ZDHHC15: variants seen among roughly 807,000 people sequenced by gnomAD.
ZDHHC15 encodes the protein palmitoyltransferase ZDHHC15.
A neutral mutation model predicts 31.7 loss-of-function variants in ZDHHC15; 19 were observed. The ratio of observed to expected loss-of-function variants is 0.60; its 90% CI spans 0.42 to 0.88. The LOEUF is 0.88. Among genes scored for constraint, ZDHHC15 ranks in the 40% least tolerant of loss-of-function variants. ZDHHC15 has a pLI of 0.00. For synonymous variants in ZDHHC15, 103 were observed against 90.0 expected (o/e 1.14, Z -0.82); for missense variants, 209 against 251.2 (o/e 0.83, Z 1.14).
chrX:75,415,209 T>G lies in ZDHHC15; in HGVS notation c.967+1878A>C, dbSNP rs189397362. 4.6e-3 allele frequency among the ~76,000 whole-genome samples: 518 copies of G among 112,143 alleles called. 4 individuals carry two copies. Among genetic ancestry groups the G allele is most frequent in the African/African-American group, 0.016 (490 of 30,874 alleles). ...CAGCACCTTTCCTAGGAATCTAAGT[T>G]GTTAAAAATGTAAGAACTGTTTGTC... On this transcript the variant is annotated intron_variant, in intron 10 of 11. Coordinates refer to ENST00000373367, the MANE Select transcript of ZDHHC15 (RefSeq NM_144969.3).
chrX:75,423,439 A>T (rs1260250717), intron 8 of ZDHHC15, among the ~76,000 whole-genome samples: 2 of 106,836 alleles, frequency 1.9e-5, no homozygotes, highest in African/African-American at 6.9e-5. Flanking sequence ...AAGTGAGAAC[A>T]TGAAGTATTT....
intron 4 of ZDHHC15, among the ~76,000 whole-genome samples, chrX:75,444,438 A>T (rs1351092714): frequency 1.3e-5 from 1 of 79,714 alleles, no homozygotes; most frequent in Admixed American, 1.5e-4. Context: ...TGGACACAGG[A>T]AGGGGAACAT....
intron 2 of ZDHHC15, among the ~76,000 whole-genome samples, chrX:75,495,442 C>A (rs1402790130): frequency 6.3e-5 from 7 of 110,949 alleles, no homozygotes; most frequent in Non-Finnish European, 1.3e-4. Context: ...TATATACCCA[C>A]AGGATTATAA....
At chrX:75,447,053 G>T (rs778052955) in intron 4 of ZDHHC15, among the ~76,000 whole-genome samples, 1 of 111,848 alleles carries the variant, frequency 8.9e-6, no homozygotes, top group Non-Finnish European at 1.9e-5. Context: ...GAACAAAGTG[G>T]CCATGGTGGC....
intron 8 of ZDHHC15, among the ~76,000 whole-genome samples, chrX:75,422,680 A>G (rs1434644775): frequency 9.0e-6 from 1 of 111,559 alleles, no homozygotes; most frequent in Non-Finnish European, 1.9e-5. Flanking sequence ...CTCTGTTATC[A>G]TGAAGCTTTT....
At position 75,417,120 on chromosome X, in the gene ZDHHC15, C is replaced by A; in HGVS notation, c.934G>T (p.Glu312Ter). 8.3e-7 allele frequency: 1 copy of A among 1,209,771 alleles called. No homozygotes were observed. The highest frequency in any genetic ancestry group is 1.1e-6 in the Non-Finnish European group (1 of 894,210). The change falls in exon 10 of 12, where the codon GAA (glutamate) becomes TAA (stop). Residue 312 changes from glutamate to a stop codon, truncating the protein, a stop_gained. Transcript: ENST00000373367. LOFTEE classifies it high-confidence loss of function. The stretch of plus-strand genomic sequence containing the variant: ...TCATCCTCGTTGTCTTCCCAGGTTT[C>A]TTCATTTGCTAGCAGTGGGTTCTGT... ...ESQNPLLANEETWEDNEDDNQ... is the reference protein window; with the variant it reads ...ESQNPLLANE
At chrX:75,498,394 T>TAAAGACTCA (rs2148032463) in intron 2 of ZDHHC15, among the ~76,000 whole-genome samples, 1 of 111,628 alleles carries the variant, frequency 9.0e-6, no homozygotes, top group East Asian at 2.8e-4. Flanking sequence ...TAGAAAACCC[T>TAAAGACTCA]AAAGACTCAT....
At chrX:75,480,595 G>C (rs992327132) in intron 2 of ZDHHC15, among the ~76,000 whole-genome samples, 1 of 111,123 alleles carries the variant, frequency 9.0e-6, no homozygotes, top group East Asian at 2.8e-4. Context: ...CCATGACTTT[G>C]TTGTGTATCC....
rs758757390 is a variant in ZDHHC15 at position 75,456,103 on chromosome X, C to G, written c.259-5181G>C. Among the ~76,000 whole-genome samples the G allele has an allele frequency of 6.3e-5, 7 of 111,592 alleles. No homozygotes were observed. In the South Asian group the frequency reaches 2.6e-3, roughly 42 times the overall value. ...CAATAGCAAAGACTTGGAACCAACCCAAATGTCCATCAATGATAGACTGGA... is the reference window on the plus strand; with the variant it reads ...CAATAGCAAAGACTTGGAACCAACCGAAATGTCCATCAATGATAGACTGGA... On this transcript the variant is annotated intron_variant, in intron 3 of 11. Transcript: ENST00000373367.
intron 4 of ZDHHC15, among the ~76,000 whole-genome samples, chrX:75,437,151 G>A (rs2083864847): frequency 9.0e-6 from 1 of 111,467 alleles, no homozygotes; most frequent in Admixed American, 9.5e-5. Flanking sequence ...AAAGTGCTGG[G>A]ATTACAGGCC....
In ZDHHC15 at chrX:75,369,315, ATGTG is replaced by A. The variant is rs58983071; in HGVS notation, c.*3659_*3662del. Reference sequence around the variant, plus strand: ...GCAGCCTGCTTTGGAGAAAATGTGTATGTGTGTGTGTGTGTGTGTGTGTGTGTGT... The same window carrying A: ...GCAGCCTGCTTTGGAGAAAATGTGTATGTGTGTGTGTGTGTGTGTGTGTGT... On this transcript the variant is annotated 3_prime_UTR_variant, in exon 12 of 12. Coordinates refer to ENST00000373367, the MANE Select transcript of ZDHHC15 (RefSeq NM_144969.3). 0.5 allele frequency: 50,819 copies of A among 102,491 alleles called. 11,865 individuals are homozygous for A. Among genetic ancestry groups the A allele is most frequent in the Non-Finnish European group, 0.69 (34,813 of 50,246 alleles). 8.4% of individuals were successfully genotyped at this position (102,491 alleles called of 1,213,427 possible).
chrX:75,421,981 C>T lies in ZDHHC15; in HGVS notation c.746G>A (p.Cys249Tyr). The T allele has an allele frequency of 8.3e-7, 1 of 1,207,455 alleles. No individual in the cohort carries two copies. The highest frequency in any genetic ancestry group is 1.1e-6 in the Non-Finnish European group (1 of 893,549). Residue 249 changes from cysteine to tyrosine, a missense_variant, in exon 9 of 12, where the codon TGC becomes TAC. Cys to Tyr is a radical substitution (Grantham distance 194, BLOSUM62 -2). Transcript: ENST00000373367. ...TGGGCCACTTGTAAACACTGGAGTG[C>T]AGAAGGCCTCTAAGGCAGGGCAGGA... ...SRNKTTLEAF[C>Y]TPVFTSGPEK...
At chrX:75,396,274 A>C (rs1000276279) in intron 10 of ZDHHC15, among the ~76,000 whole-genome samples, 2 of 112,340 alleles carry the variant, frequency 1.8e-5, no homozygotes, top group Non-Finnish European at 3.8e-5. Flanking sequence ...ACCAGAATAC[A>C]TAAAGAGTTC....
chrX:75,496,971 G>GA (rs201842550), intron 2 of ZDHHC15, among the ~76,000 whole-genome samples: 16 of 106,193 alleles, frequency 1.5e-4, no homozygotes, highest in Admixed American at 6.0e-4. Flanking sequence ...AAAGCAAGTG[G>GA]AAAAAAAAAG....
At position 75,522,874 on chromosome X, in the gene ZDHHC15, C is replaced by A; in HGVS notation, c.136+15G>T. 2 of 1,211,047 alleles carry A rather than the reference C, an allele frequency of 1.7e-6. No individual in the cohort carries two copies. Among genetic ancestry groups the A allele is most frequent in the Non-Finnish European group, 2.2e-6 (2 of 895,101 alleles). ...GAGTATAATTTCCCCACCTTAGGTG[C>A]CCAGCCCCACTTACCCAGGCAGAGT... On this transcript the variant is annotated intron_variant, in intron 1 of 11. Transcript: ENST00000373367.
chrX:75,437,584 A>C (rs1359276214), intron 4 of ZDHHC15, among the ~76,000 whole-genome samples: 1 of 101,470 alleles, frequency 9.9e-6, no homozygotes, highest in Non-Finnish European at 2.0e-5. Flanking sequence ...ATGATTTCCA[A>C]TTTCATCCAT....
chrX:75,476,580 T>A (rs576787079), intron 3 of ZDHHC15, among the ~76,000 whole-genome samples: 1 of 110,613 alleles, frequency 9.0e-6, no homozygotes, highest in East Asian at 2.8e-4. Context: ...TATTAGTAAT[T>A]TACGTCTTCC....
chrX:75,369,480 C>A lies in ZDHHC15; in HGVS notation c.*3498G>T, dbSNP rs938590080. ...TCATGTTACAATAATGTATAATATTCAGTATTCTTAAAACTTACTTGCTAG... is the reference window on the plus strand; with the variant it reads ...TCATGTTACAATAATGTATAATATTAAGTATTCTTAAAACTTACTTGCTAG... On this transcript the variant is annotated 3_prime_UTR_variant, in exon 12 of 12. Transcript: ENST00000373367. 1 of 111,474 alleles carries A rather than the reference C, an allele frequency of 9.0e-6. No homozygotes were observed. The highest frequency in any genetic ancestry group is 1.9e-5 in the Non-Finnish European group (1 of 53,118). The allele number at this position is 111,474 out of a possible 1,213,427, so 9.2% of individuals were successfully genotyped here. A position where few individuals can be genotyped will look rare whatever the true frequency, so the allele number is the denominator to read the frequency against.
chrX:75,432,820 AT>A (rs1336548571), intron 4 of ZDHHC15, among the ~76,000 whole-genome samples: 2 of 110,275 alleles, frequency 1.8e-5, no homozygotes, highest in African/African-American at 3.3e-5. Flanking sequence ...CTATAAAAAA[AT>A]AAAATAAAAT....
Sources: allele counts gnomAD v4.1 joint callset (sites outside exome capture counted in the v4.1 genomes callset), GRCh38; gene constraint gnomAD v4.1.1; transcripts MANE v1.5; gene names NCBI Gene and HGNC (gene_info 2026-07-23, HGNC 2026-07-21).